The following FHIP1A variants were observed in gnomAD, a reference collection of about 807,000 sequenced individuals.
FHIP1A encodes the protein FHF complex subunit HOOK interacting protein 1A, also known as FHF complex subunit HOOK-interacting protein 1A.
Under a neutral mutation model 88.6 loss-of-function variants are expected in FHIP1A, and 61 were observed. The observed-to-expected ratio is 0.69, with a 90% CI of 0.56 to 0.85. FHIP1A has a LOEUF of 0.85. FHIP1A is among the 40% of genes least tolerant of loss of function. The pLI, the probability that FHIP1A is intolerant of heterozygous loss-of-function variation, is 0.00. For synonymous variants in FHIP1A, 478 were observed against 496.0 expected, an observed-to-expected ratio of 0.96 and a Z score of 0.48; for missense variants, 1,154 against 1,273.5, an observed-to-expected ratio of 0.91 and a Z score of 1.43.
intron 3 of FHIP1A, among the ~76,000 whole-genome samples, chr4:151,546,451 A>G (rs1398686295): frequency 6.6e-6 from 1 of 151,828 alleles, no homozygotes; most frequent in Non-Finnish European, 1.5e-5. Flanking sequence ...CCTGGTAAAT[A>G]CTCTCTCGTC....
chr4:151,454,860 G>A (rs1055189637), intron 2 of FHIP1A, 52 bp downstream of exon 2: 1 of 152,048 alleles, frequency 6.6e-6, no homozygotes, highest in African/African-American at 2.4e-5. Flanking sequence ...GTGTGAAAAT[G>A]GAAAAGATTA....
chr4:151,630,169 C>A (rs1211381948), intron 8 of FHIP1A, among the ~76,000 whole-genome samples: 1 of 152,098 alleles, frequency 6.6e-6, no homozygotes, highest in Admixed American at 6.5e-5. Context: ...GAGTGCACTT[C>A]TGTGGGGGCA....
At chr4:151,527,545 G>A (rs910019703) in intron 3 of FHIP1A, among the ~76,000 whole-genome samples, 6 of 152,066 alleles carry the variant, frequency 3.9e-5, no homozygotes, top group African/African-American at 1.4e-4. Context: ...CGTGGGGAGA[G>A]CGAGAGCGAG....
chr4:151,418,361 T>C (rs1177268151), intron 1 of FHIP1A, among the ~76,000 whole-genome samples: 1 of 152,184 alleles, frequency 6.6e-6, no homozygotes, highest in Non-Finnish European at 1.5e-5. Flanking sequence ...TTCACAGTGT[T>C]TAGGACCTTG....
chr4:151,457,149 C>G (rs1463143020), intron 2 of FHIP1A, among the ~76,000 whole-genome samples: 1 of 152,026 alleles, frequency 6.6e-6, no homozygotes, highest in Non-Finnish European at 1.5e-5. Flanking sequence ...GTAATTTTAA[C>G]AGTTTTTTTC....
At chr4:151,582,759 TTG>T (rs1158052488) in intron 5 of FHIP1A, among the ~76,000 whole-genome samples, 1 of 152,204 alleles carries the variant, frequency 6.6e-6, no homozygotes, top group Non-Finnish European at 1.5e-5. Flanking sequence ...TGCAATTTTT[TTG>T]TGTGTGTGGA....
chr4:151,418,444 GT>G (rs960423840), intron 1 of FHIP1A, among the ~76,000 whole-genome samples: 3 of 151,790 alleles, frequency 2.0e-5, no homozygotes, highest in Non-Finnish European at 4.4e-5. Context: ...ATTGGAGAGT[GT>G]TTTTTTTGTC....
At chr4:151,501,005 T>C (rs1024929697) in intron 3 of FHIP1A, among the ~76,000 whole-genome samples, 3 of 152,220 alleles carry the variant, frequency 2.0e-5, no homozygotes, top group East Asian at 1.9e-4. Context: ...TGTACGAATA[T>C]TGATTTTCTG....
chr4:151,411,227 A>G (rs1206865522), intron 1 of FHIP1A, among the ~76,000 whole-genome samples: 2 of 152,154 alleles, frequency 1.3e-5, no homozygotes, highest in Admixed American at 1.3e-4. Context: ...TTCTTTCTTT[A>G]ATAGGAACTT....
chr4:151,442,390 C>G (rs982154586), intron 1 of FHIP1A, among the ~76,000 whole-genome samples: 1 of 152,090 alleles, frequency 6.6e-6, no homozygotes, highest in Non-Finnish European at 1.5e-5. Context: ...AATCTCTCAG[C>G]TAATCTATAT....
chr4:151,661,981 G>A (rs183003513), intron 13 of FHIP1A, among the ~76,000 whole-genome samples: 5 of 152,304 alleles, frequency 3.3e-5, no homozygotes, highest in Admixed American at 6.5e-5. Context: ...GGAGGTCACC[G>A]GGGAGCCCGA....
Position 151,620,531 on chromosome 4 carries a change from T to C in FHIP1A, c.979-9171T>C, listed in dbSNP as rs571410606. On this transcript the variant is annotated intron_variant, in intron 7 of 13. Transcript: ENST00000435205. ...TTCTTCTAGTATAGCTCTTCTTGCC[T>C]GGTTTTATATTTTTAAAATAATAGA... Among the ~76,000 whole-genome samples, 385 of 152,246 alleles carry C rather than the reference T, an allele frequency of 2.5e-3. 12 individuals are homozygous for C. The South Asian group carries it at 0.076, about 30-fold the overall frequency.
chr4:151,438,695 G>A (rs1332724907), intron 1 of FHIP1A, among the ~76,000 whole-genome samples: 1 of 150,784 alleles, frequency 6.6e-6, no homozygotes, highest in Non-Finnish European at 1.5e-5. Context: ...AGGCTGGAGT[G>A]CGGTGGCATG....
At chr4:151,602,580 A>G (rs144961719) in intron 7 of FHIP1A, among the ~76,000 whole-genome samples, 1 of 152,210 alleles carries the variant, frequency 6.6e-6, no homozygotes, top group East Asian at 1.9e-4. Flanking sequence ...GGCGTGGAGG[A>G]GTGTGTTTGG....
Position 151,420,915 on chromosome 4 carries a change from C to T in FHIP1A, c.-356+11450C>T, listed in dbSNP as rs116587151. ...CCAGAGCTCTCTCAATGCAGTGCTC[C>T]GGAGAGGCCTTGCCAGTTGTTTGAG... On this transcript the variant is annotated intron_variant, in intron 1 of 13. Transcript: ENST00000435205. 9.3e-3 allele frequency among the ~76,000 whole-genome samples: 1,417 copies of T among 152,320 alleles called. 17 individuals are homozygous for T. Among genetic ancestry groups the T allele is most frequent in the African/African-American group, 0.032 (1,321 of 41,552 alleles).
intron 3 of FHIP1A, among the ~76,000 whole-genome samples, chr4:151,556,559 C>T (rs1240518374): frequency 6.6e-6 from 1 of 152,110 alleles, no homozygotes; most frequent in Non-Finnish European, 1.5e-5. Flanking sequence ...ACTTGGAACT[C>T]CGTGCAGATT....
chr4:151,592,631 T>A (rs1325550356), intron 7 of FHIP1A, among the ~76,000 whole-genome samples: 1 of 152,206 alleles, frequency 6.6e-6, no homozygotes, highest in Non-Finnish European at 1.5e-5. Flanking sequence ...CTTGTAAATT[T>A]GTTTAAGTTC....
At chr4:151,628,987 C>T (rs1261472412) in intron 7 of FHIP1A, among the ~76,000 whole-genome samples, 2 of 152,176 alleles carry the variant, frequency 1.3e-5, no homozygotes, top group African/African-American at 4.8e-5. Context: ...GTCTTATTCA[C>T]TGAAAAATTG....
At chr4:151,483,518 G>C (rs1206627511) in intron 3 of FHIP1A, among the ~76,000 whole-genome samples, 1 of 152,098 alleles carries the variant, frequency 6.6e-6, no homozygotes, top group East Asian at 1.9e-4. Flanking sequence ...CTCTACCTAG[G>C]ATCTTTGTAG....
Sources: gnomAD v4.1 joint callset for allele counts (sites outside exome capture counted in the v4.1 genomes callset) on GRCh38, gnomAD v4.1.1 for gene constraint, MANE v1.5 for transcripts, NCBI Gene and HGNC (gene_info 2026-07-23, HGNC 2026-07-21) for gene names.